Variants in TSHZ2 observed in about 807,000 individuals in gnomAD.
TSHZ2 encodes teashirt homolog 2.
In TSHZ2, 21 loss-of-function variants were observed where a neutral mutation model predicts 74.4. The ratio of observed to expected loss-of-function variants is 0.28; its 90% CI spans 0.20 to 0.41. The LOEUF (loss-of-function observed/expected upper bound fraction) is 0.41, where lower values mean the gene tolerates loss of function less well. TSHZ2 is among the 10% of genes least tolerant of loss of function. The probability of loss-of-function intolerance (pLI) is 1.00; values close to 1 mark genes in which losing one functional copy is unlikely to be tolerated. For missense variants in TSHZ2, 1,244 were observed against 1,293.5 expected (o/e 0.96, Z 0.59); for synonymous variants, 540 against 515.3 (o/e 1.05, Z -0.65).
intron 2 of TSHZ2, among the ~76,000 whole-genome samples, chr20:53,318,145 G>T (rs1223064532): frequency 6.6e-6 from 1 of 152,194 alleles, no homozygotes; most frequent in African/African-American, 2.4e-5. Flanking sequence ...AGCCAGGGAG[G>T]CTGGGAAGCC....
chr20:53,320,339 G>C (rs769091180), intron 2 of TSHZ2, among the ~76,000 whole-genome samples: 1 of 152,186 alleles, frequency 6.6e-6, no homozygotes, highest in Non-Finnish European at 1.5e-5. Context: ...GAGGCAGTCT[G>C]GATCTGCTGG....
At chr20:53,144,296 G>GCCCA (rs2123423596) in intron 1 of TSHZ2, among the ~76,000 whole-genome samples, 1 of 152,276 alleles carries the variant, frequency 6.6e-6, no homozygotes, top group East Asian at 1.9e-4. Context: ...GACAGGAAGG[G>GCCCA]GATTTGTTTT....
At chr20:53,181,468 A>G (rs890740264) in intron 1 of TSHZ2, among the ~76,000 whole-genome samples, 4 of 152,222 alleles carry the variant, frequency 2.6e-5, no homozygotes, top group Non-Finnish European at 5.9e-5. Context: ...CTCTCTTGAA[A>G]ACAAATACAC....
At chr20:53,126,627 G>A (rs187382567) in intron 1 of TSHZ2, among the ~76,000 whole-genome samples, 8 of 152,284 alleles carry the variant, frequency 5.3e-5, no homozygotes, top group Admixed American at 4.6e-4. Context: ...ATTGTTTTTA[G>A]TGTCCACAAA....
chr20:53,037,065 T>C (rs886279857), intron 1 of TSHZ2, among the ~76,000 whole-genome samples: 1 of 152,328 alleles, frequency 6.6e-6, no homozygotes, highest in African/African-American at 2.4e-5. Context: ...GTTGCATTTA[T>C]TTATTTTTTC....
chr20:53,028,179 A>G (rs936632783), intron 1 of TSHZ2, among the ~76,000 whole-genome samples: 6 of 152,176 alleles, frequency 3.9e-5, no homozygotes, highest in African/African-American at 2.4e-5. Flanking sequence ...AGTACCCCAT[A>G]TGATAGAATA....
At chr20:53,227,171 GATGATAATAT>G (rs1324472919) in intron 1 of TSHZ2, among the ~76,000 whole-genome samples, 1 of 151,546 alleles carries the variant, frequency 6.6e-6, no homozygotes. Context: ...AGCCTCACTA[GATGATAATAT>G]ATGTATGAGA....
intron 1 of TSHZ2, among the ~76,000 whole-genome samples, chr20:53,157,421 T>C (rs1379998034): frequency 6.6e-6 from 1 of 151,458 alleles, no homozygotes. Flanking sequence ...TTTTTTTTTT[T>C]TTAGAGACAG....
intron 2 of TSHZ2, among the ~76,000 whole-genome samples, chr20:53,324,959 C>T (rs556922974): frequency 6.6e-6 from 1 of 152,270 alleles, no homozygotes; most frequent in South Asian, 2.1e-4. Flanking sequence ...AGAGTGACAA[C>T]AGTCAATGCA....
At chr20:53,285,046 G>C (rs935586013) in intron 2 of TSHZ2, among the ~76,000 whole-genome samples, 7 of 152,178 alleles carry the variant, frequency 4.6e-5, no homozygotes, top group Non-Finnish European at 7.3e-5. Context: ...AGAAGCACAG[G>C]AGACAGATGG....
At chr20:53,318,341 C>A (rs941611054) in intron 2 of TSHZ2, among the ~76,000 whole-genome samples, 4 of 152,146 alleles carry the variant, frequency 2.6e-5, no homozygotes, top group Non-Finnish European at 5.9e-5. Flanking sequence ...CATAAATGCA[C>A]CCAAACCTTC....
chr20:53,036,529 CAT>C (rs755033840), intron 1 of TSHZ2, among the ~76,000 whole-genome samples: 5 of 150,060 alleles, frequency 3.3e-5, no homozygotes, highest in African/African-American at 4.9e-5. Flanking sequence ...AATAAATACA[CAT>C]ATATATTAGA....
intron 2 of TSHZ2, among the ~76,000 whole-genome samples, chr20:53,454,712 TCC>T (rs1491416616): frequency 3.9e-5 from 6 of 152,056 alleles, no homozygotes; most frequent in African/African-American, 7.2e-5. Flanking sequence ...ACTGAAACCC[TCC>T]CAATTGTCCC....
intron 1 of TSHZ2, among the ~76,000 whole-genome samples, chr20:53,241,167 G>T (rs1325203153): frequency 6.6e-6 from 1 of 152,160 alleles, no homozygotes; most frequent in Non-Finnish European, 1.5e-5. Flanking sequence ...AAGTCGAAGG[G>T]TCAAAAAACC....
chr20:53,334,808 C>T (rs568093456), intron 2 of TSHZ2, among the ~76,000 whole-genome samples: 19 of 152,150 alleles, frequency 1.2e-4, no homozygotes, highest in African/African-American at 4.3e-4. Context: ...CTCAGCCTCC[C>T]GAGTGGCTGG....
At chr20:53,195,282 TAC>T (rs752367353) in intron 1 of TSHZ2, among the ~76,000 whole-genome samples, 133 of 152,058 alleles carry the variant, frequency 8.7e-4, no homozygotes, top group Non-Finnish European at 1.6e-3. Flanking sequence ...TATATATATA[TAC>T]ACACACACAC....
intron 2 of TSHZ2, among the ~76,000 whole-genome samples, chr20:53,410,662 G>A (rs1207979922): frequency 6.8e-6 from 1 of 147,004 alleles, no homozygotes; most frequent in African/African-American, 2.5e-5. Flanking sequence ...AAAATCCATG[G>A]TATTGATCAT....
At chr20:53,358,483 G>C (rs1048465521) in intron 2 of TSHZ2, among the ~76,000 whole-genome samples, 2 of 151,886 alleles carry the variant, frequency 1.3e-5, no homozygotes, top group African/African-American at 4.8e-5. Flanking sequence ...TGGGACTACA[G>C]GCGTGCACCA....
In TSHZ2 at chr20:53,253,671, A is replaced by G. The variant is rs758891552; in HGVS notation, c.213A>G (p.Gly71=). Residue 71 remains glycine (G), a synonymous_variant, in exon 2 of 3, where the codon GGA becomes GGG. Coordinates refer to ENST00000371497, the MANE Select transcript of TSHZ2 (RefSeq NM_173485.6). Reference sequence around the variant, plus strand: ...GCTTCAGCTACCAGAACTCTCCAGGAAGTCATTTGTCCAATCAGGATGCCG... The same window carrying G: ...GCTTCAGCTACCAGAACTCTCCAGGGAGTCATTTGTCCAATCAGGATGCCG... ...KGCFSYQNSP[G]SHLSNQDAEN... 1 of 1,614,168 alleles carries G rather than the reference A, an allele frequency of 6.2e-7. No individual in the cohort carries two copies.
Sources: allele counts gnomAD v4.1 joint callset (sites outside exome capture counted in the v4.1 genomes callset), GRCh38; gene constraint gnomAD v4.1.1; transcripts MANE v1.5; gene names NCBI Gene and HGNC (gene_info 2026-07-23, HGNC 2026-07-21).